HAPLN3: variants seen among roughly 807,000 people sequenced by gnomAD.
HAPLN3 encodes the protein hyaluronan and proteoglycan link protein 3, also known as extracellular link domain containing, 1.
Under a neutral mutation model 28.1 loss-of-function variants are expected in HAPLN3, and 28 were observed. The ratio of observed to expected loss-of-function variants is 1.00; its 90% confidence interval spans 0.74 to 1.37. The LOEUF (loss-of-function observed/expected upper bound fraction) is 1.37, where lower values mean the gene tolerates loss of function less well. Ranked by LOEUF, HAPLN3 falls within the 40% of genes most tolerant of loss-of-function variation. HAPLN3 has a pLI of 0.00. For missense variants in HAPLN3, 513 were observed against 504.6 expected (o/e 1.02, Z -0.16); for synonymous variants, 211 against 213.1 (o/e 0.99, Z 0.09).
At position 88,888,189 on chromosome 15, in the gene HAPLN3, T is replaced by C. The variant is rs545125425; in HGVS notation, c.-47-844A>G. Among the ~76,000 whole-genome samples, 3 of 150,862 alleles carry C rather than the reference T, an allele frequency of 2.0e-5. No homozygotes were observed. Among genetic ancestry groups the C allele is most frequent in the African/African-American group, 7.3e-5 (3 of 41,146 alleles). On this transcript the variant is annotated intron_variant, in intron 1 of 4. Coordinates refer to ENST00000359595, the MANE Select transcript of HAPLN3 (RefSeq NM_178232.4). The surrounding 1 kb of genome is among the most constrained non-coding windows in gnomAD (Gnocchi z 4.1). ...TCACTGCAACCTCCGCCTCCTGGGT[T>C]CAAGAAATTCTCCTGCCTCAGCCTC...
intron 2 of HAPLN3, among the ~76,000 whole-genome samples, chr15:88,885,767 C>G (rs1300014944): frequency 6.6e-6 from 1 of 151,906 alleles, no homozygotes; most frequent in Non-Finnish European, 1.5e-5. Context: ...TTTTTTGTAT[C>G]TTTAGTAGAG....
intron 1 of HAPLN3, among the ~76,000 whole-genome samples, chr15:88,891,907 G>T (rs1898022610): frequency 6.6e-6 from 1 of 152,140 alleles, no homozygotes; most frequent in South Asian, 2.1e-4. Flanking sequence ...ATTTGATGTT[G>T]AGCTTGATGT....
At chr15:88,887,145 G>A (rs920949171) in intron 2 of HAPLN3, 30 bp downstream of exon 2, 42 of 1,612,994 alleles carry the variant, frequency 2.6e-5, no homozygotes, top group Non-Finnish European at 2.8e-5. Context: ...ACCCAGGGGA[G>A]CAAAGAGCCG....
In HAPLN3 at chr15:88,888,295, G is replaced by A. The variant is rs1011903778; in HGVS notation, c.-47-950C>T. On this transcript the variant is annotated intron_variant, in intron 1 of 4. Transcript: ENST00000359595. This position sits in a 1 kb window ranked among gnomAD's most constrained non-coding sequence, Gnocchi z 4.1. ...TTTAGTACAGACGGGGTTTCACCGC[G>A]TTAGCCAGGATGATCTCAATCTCCT... 2.0e-5 allele frequency among the ~76,000 whole-genome samples: 3 copies of A among 151,932 alleles called. No homozygotes were observed. Among genetic ancestry groups the A allele is most frequent in the Admixed American group, 6.6e-5 (1 of 15,256 alleles).
intron 1 of HAPLN3, chr15:88,893,256 G>A (rs60255967): frequency 0.19 from 113,640 of 590,966 alleles, 12,371 homozygotes; most frequent in South Asian, 0.32. Flanking sequence ...CATCTCTAAT[G>A]AAAATACAAA....
Position 88,879,145 on chromosome 15 carries a change from C to A in HAPLN3, c.618G>T (p.Glu206Asp). 1 of 1,613,822 alleles carries A rather than the reference C, an allele frequency of 6.2e-7. No homozygotes were observed. Among genetic ancestry groups the A allele is most frequent in the Non-Finnish European group, 8.5e-7 (1 of 1,179,972 alleles). ...ASFEQLFRAW[E>D]EGLDWCNAGW... is the part of the protein sequence containing the mutation. ...CCGCGTTGCACCAGTCCAGGCCCTCCTCCCAGGCCCGGAAGAGCTGCTCAA... is the reference window on the plus strand; with the variant it reads ...CCGCGTTGCACCAGTCCAGGCCCTCATCCCAGGCCCGGAAGAGCTGCTCAA... The change falls in exon 4 of 5, where the codon GAG becomes GAT. Residue 206 changes from glutamate (E) to aspartate (D), a missense_variant. By Grantham distance (45) the Glu-to-Asp change is conservative. Coordinates refer to ENST00000359595, the MANE Select transcript of HAPLN3 (RefSeq NM_178232.4). The surrounding 1 kb of genome is among the most constrained non-coding windows in gnomAD (Gnocchi z 5.0).
Position 88,881,145 on chromosome 15 carries a change from C to A in HAPLN3, c.493+212G>T. 1.6e-6 allele frequency: 1 copy of A among 619,358 alleles called. No individual in the cohort carries two copies. Among genetic ancestry groups the A allele is most frequent in the South Asian group, 2.1e-5 (1 of 47,080 alleles). 38.4% of individuals were successfully genotyped at this position (619,358 alleles called of 1,614,324 possible). A position where few individuals can be genotyped will look rare whatever the true frequency, so the allele number is the denominator to read the frequency against. ...GTTCAGACCCCAGCTCTGTCGTTTA[C>A]AAGCTGTGTGACCTTAGGTAAGTTA... On this transcript the variant is annotated intron_variant, in intron 3 of 4. Transcript: ENST00000359595. This position sits in a 1 kb window ranked among gnomAD's most constrained non-coding sequence, Gnocchi z 6.0.
intron 1 of HAPLN3, among the ~76,000 whole-genome samples, chr15:88,893,481 C>T (rs12591239): frequency 0.23 from 34,816 of 151,962 alleles, 4,659 homozygotes; most frequent in African/African-American, 0.35. Flanking sequence ...CCCTGGCATG[C>T]AGCAGGTGCT....
At chr15:88,885,084 C>G (rs1329663125) in intron 2 of HAPLN3, among the ~76,000 whole-genome samples, 1 of 152,224 alleles carries the variant, frequency 6.6e-6, no homozygotes, top group Non-Finnish European at 1.5e-5. Flanking sequence ...GGAGACTAAT[C>G]AAAAGAGGGA....
chr15:88,880,039 G>A lies in HAPLN3; in HGVS notation c.494-770C>T. 1.0e-6 allele frequency: 1 copy of A among 993,636 alleles called. No homozygotes were observed. The highest frequency in any genetic ancestry group is 1.2e-6 in the Non-Finnish European group (1 of 835,064). The allele number at this position is 993,636 out of a possible 1,614,324, so 61.6% of individuals were successfully genotyped here. ...GTGGCCAAGGACCCAGGAACAGCCT[G>A]AGCCCCAAACCTCCGATCTCACCAG... is the stretch of plus-strand genomic sequence containing the variant. On this transcript the variant is annotated intron_variant, in intron 3 of 4. Coordinates refer to ENST00000359595, the MANE Select transcript of HAPLN3 (RefSeq NM_178232.4). The surrounding 1 kb of genome is among the most constrained non-coding windows in gnomAD (Gnocchi z 6.0).
In HAPLN3 at chr15:88,880,534, A is replaced by G. The variant is rs1897668265; in HGVS notation, c.493+823T>C. On this transcript the variant is annotated intron_variant, in intron 3 of 4. Coordinates refer to ENST00000359595, the MANE Select transcript of HAPLN3 (RefSeq NM_178232.4). The surrounding 1 kb of genome is among the most constrained non-coding windows in gnomAD (Gnocchi z 6.0). Reference sequence around the variant, plus strand: ...GTCATAGCTGGGACGGGCTGGGGCTAAAGTCAGGTCACCTTCCTCTATCCC... The same window carrying G: ...GTCATAGCTGGGACGGGCTGGGGCTGAAGTCAGGTCACCTTCCTCTATCCC... 7.8e-7 allele frequency: 1 copy of G among 1,286,584 alleles called. No individual in the cohort carries two copies. The highest frequency in any genetic ancestry group is 1.5e-5 in the African/African-American group (1 of 65,890). The allele number at this position is 1,286,584 out of a possible 1,614,324, so 79.7% of individuals were successfully genotyped here.
intron 1 of HAPLN3, among the ~76,000 whole-genome samples, chr15:88,894,020 A>G (rs1898090797): frequency 6.6e-6 from 1 of 152,074 alleles, no homozygotes; most frequent in Non-Finnish European, 1.5e-5. Context: ...GAATAGCTGC[A>G]GAGCACTGAA....
chr15:88,888,040 G>A lies in HAPLN3; in HGVS notation c.-47-695C>T, dbSNP rs1451085951. Among the ~76,000 whole-genome samples, 2 of 151,162 alleles carry A rather than the reference G, an allele frequency of 1.3e-5. No homozygotes were observed. The highest frequency in any genetic ancestry group is 4.9e-5 in the African/African-American group (2 of 41,210). On this transcript the variant is annotated intron_variant, in intron 1 of 4. Transcript: ENST00000359595. This position sits in a 1 kb window ranked among gnomAD's most constrained non-coding sequence, Gnocchi z 4.1. ...TAATGACGCCAAATAAACTAGACTA[G>A]AATAGAAAATATCAGGGTGAATAGA...
Position 88,879,007 on chromosome 15 carries a change from C to T in HAPLN3, c.756G>A (p.Leu252=), listed in dbSNP as rs1296580349. The T allele has an allele frequency of 6.2e-7, 1 of 1,610,366 alleles. No homozygotes were observed. The part of the protein sequence containing the change: ...VRSYGPRHRR[L]HRYDVFCFAT... ...CGAAGCAGAATACATCATAGCGGTGCAGGCGGCGGTGGCGGGGGCCGTAGC... is the reference window on the plus strand; with the variant it reads ...CGAAGCAGAATACATCATAGCGGTGTAGGCGGCGGTGGCGGGGGCCGTAGC... Residue 252 remains leucine, a synonymous_variant, in exon 4 of 5, where the codon CTG becomes CTA. Coordinates refer to ENST00000359595, the MANE Select transcript of HAPLN3 (RefSeq NM_178232.4). This position sits in a 1 kb window ranked among gnomAD's most constrained non-coding sequence, Gnocchi z 5.0.
At chr15:88,878,294 G>A (rs757756284) in intron 4 of HAPLN3, 38 bp from the exon 5 acceptor site, 3 of 1,568,202 alleles carry the variant, frequency 1.9e-6, no homozygotes, top group African/African-American at 1.4e-5. Flanking sequence ...ACAGCGCAGG[G>A]GGCAGCCAGA....
intron 2 of HAPLN3, among the ~76,000 whole-genome samples, chr15:88,885,843 T>C (rs924318115): frequency 6.6e-6 from 1 of 151,992 alleles, no homozygotes; most frequent in Non-Finnish European, 1.5e-5. Context: ...CACCTCAGTC[T>C]CCCAAAGTGC....
intron 1 of HAPLN3, among the ~76,000 whole-genome samples, chr15:88,889,391 C>A (rs8040072): frequency 0.41 from 61,918 of 151,964 alleles, 13,461 homozygotes; most frequent in African/African-American, 0.57. Context: ...GCTGGAGTGC[C>A]GTGGCAAGAT....
rs3809574 is a variant in HAPLN3, at chr15:88,879,055, C to T, written c.708G>A (p.Pro236=). ...AGCTTCGCACGCCAGGTGCCAGGCC[C>T]GGGCCACCGCAGGGCTGCCGGGGCA... The part of the protein sequence containing the change: ...IMLPRQPCGG[P]GLAPGVRSYG... The change falls in exon 4 of 5, where the codon CCG becomes CCA. Residue 236 remains proline, a synonymous_variant. Transcript: ENST00000359595. The surrounding 1 kb of genome is among the most constrained non-coding windows in gnomAD (Gnocchi z 5.0). 0.17 allele frequency: 277,615 copies of T among 1,604,800 alleles called. 24,689 individuals carry two copies. The highest frequency in any genetic ancestry group is 0.25 in the Middle Eastern group (1,504 of 6,030).
In HAPLN3 at chr15:88,880,173, T is replaced by A. The variant is rs1023667271; in HGVS notation, c.494-904A>T. 4.0e-6 allele frequency: 4 copies of A among 995,376 alleles called. No homozygotes were observed. In the African/African-American group the frequency reaches 7.0e-5, roughly 17 times the overall value. The allele number at this position is 995,376 out of a possible 1,614,324, so 61.7% of individuals were successfully genotyped here. ...GTGTGTTTGCAGGGGGACTATTTCA[T>A]GCCTGGTTCCACCCCAAATTCCTAG... On this transcript the variant is annotated intron_variant, in intron 3 of 4. Coordinates refer to ENST00000359595, the MANE Select transcript of HAPLN3 (RefSeq NM_178232.4). The surrounding 1 kb of genome is among the most constrained non-coding windows in gnomAD (Gnocchi z 6.0).
Sources: allele counts gnomAD v4.1 joint callset (sites outside exome capture counted in the v4.1 genomes callset), GRCh38; gene constraint gnomAD v4.1.1; non-coding constraint Gnocchi (gnomAD v3.1); transcripts MANE v1.5; gene names NCBI Gene and HGNC (gene_info 2026-07-23, HGNC 2026-07-21).